The following NDRG1 variants were observed in gnomAD, a reference collection of about 807,000 sequenced individuals.
NDRG1 encodes the protein N-myc downstream regulated 1, also known as protein NDRG1.
NDRG1 carries 32 observed loss-of-function variants against 56.9 expected under a neutral mutation model. The observed-to-expected ratio is 0.56, with a 90% CI of 0.42 to 0.76. NDRG1 has a LOEUF of 0.76. Among genes scored for constraint, NDRG1 ranks in the 30% least tolerant of loss-of-function variants. NDRG1 has a pLI of 0.00. For synonymous variants in NDRG1, 211 were observed against 204.1 expected (o/e 1.03, Z -0.29); for missense variants, 507 against 545.7 (o/e 0.93, Z 0.71).
intron 15 of NDRG1, chr8:133,241,618 T>G (rs76188475): frequency 0.013 from 3,930 of 310,838 alleles, 156 homozygotes; most frequent in African/African-American, 0.079. Flanking sequence ...TTCAGTGAGA[T>G]AAAATAATGT....
chr8:133,243,740 CATTTT>C (rs1855509427), intron 14 of NDRG1, among the ~76,000 whole-genome samples: 1 of 152,184 alleles, frequency 6.6e-6, no homozygotes, highest in Admixed American at 6.5e-5. Context: ...AACTCTATTT[CATTTT>C]AAGATGGAAC....
chr8:133,276,814 A>G (rs1366751536), intron 3 of NDRG1, among the ~76,000 whole-genome samples: 1 of 152,214 alleles, frequency 6.6e-6, no homozygotes, highest in African/African-American at 2.4e-5. Flanking sequence ...ATGGACTGAT[A>G]CCTCTAGCAA....
At chr8:133,266,236 C>T (rs1210051232) in intron 3 of NDRG1, among the ~76,000 whole-genome samples, 2 of 152,254 alleles carry the variant, frequency 1.3e-5, no homozygotes, top group East Asian at 3.9e-4. Context: ...CCGCAAGCGG[C>T]GCACACTCAG....
chr8:133,248,485 C>A lies in NDRG1; in HGVS notation c.755+230G>T, dbSNP rs568610291. On this transcript the variant is annotated intron_variant, in intron 11 of 15. Transcript: ENST00000323851. ...TGCTGTCCCAAGTACAATCAACCAT[C>A]CTTCTCCAAGATCAAAGGCCTAGGT... 6.6e-5 allele frequency among the ~76,000 whole-genome samples: 10 copies of A among 152,346 alleles called. No homozygotes were observed. The East Asian group carries it at 1.2e-3, about 18-fold the overall frequency.
intron 11 of NDRG1, among the ~76,000 whole-genome samples, chr8:133,248,235 G>A (rs1247719055): frequency 6.6e-6 from 1 of 152,172 alleles, no homozygotes; most frequent in Non-Finnish European, 1.5e-5. Context: ...ACAGCATGAA[G>A]GACAAAGGCA....
At position 133,238,611 on chromosome 8, in the gene NDRG1, G is replaced by A. The variant is rs1564276644; in HGVS notation, c.*267C>T. On this transcript the variant is annotated 3_prime_UTR_variant, in exon 16 of 16. Transcript: ENST00000323851. ...AGTTTGGTGTCTCTGAGGGAGGGGA[G>A]GAGAGTGGCAACCGGCCACTGGTTA... 1 of 553,392 alleles carries A rather than the reference G, an allele frequency of 1.8e-6. No homozygotes were observed. Among genetic ancestry groups the A allele is most frequent in the South Asian group, 2.5e-5 (1 of 40,544 alleles). The allele number at this position is 553,392 out of a possible 1,614,324, so 34.3% of individuals were successfully genotyped here.
chr8:133,255,408 T>C (rs1452232108), intron 8 of NDRG1: 1 of 456,072 alleles, frequency 2.2e-6, no homozygotes, highest in East Asian at 6.9e-5. Context: ...AGGCTGGAGT[T>C]GAAAAAGAAG....
chr8:133,269,949 A>C (rs962270798), intron 3 of NDRG1, among the ~76,000 whole-genome samples: 1 of 152,262 alleles, frequency 6.6e-6, no homozygotes, highest in Non-Finnish European at 1.5e-5. Flanking sequence ...GAAGTGTGCC[A>C]ACACTGGAAA....
chr8:133,258,637 C>T (rs113662687), intron 6 of NDRG1, among the ~76,000 whole-genome samples: 144 of 152,366 alleles, frequency 9.5e-4, no homozygotes, highest in African/African-American at 3.3e-3. Context: ...TCACTTCCCT[C>T]CTGGCCGCCA....
intron 9 of NDRG1, among the ~76,000 whole-genome samples, chr8:133,253,199 G>A (rs568011573): frequency 7.2e-5 from 11 of 152,226 alleles, no homozygotes; most frequent in Admixed American, 7.2e-4. Flanking sequence ...AGGCAGGCTG[G>A]GCTGATAAGA....
intron 5 of NDRG1, among the ~76,000 whole-genome samples, chr8:133,259,990 G>C (rs778443643): frequency 6.6e-6 from 1 of 152,226 alleles, no homozygotes; most frequent in Non-Finnish European, 1.5e-5. Context: ...GCCAGAAAGA[G>C]CCCGTATGGT....
chr8:133,248,374 T>C (rs1855813127), intron 11 of NDRG1, among the ~76,000 whole-genome samples: 1 of 152,194 alleles, frequency 6.6e-6, no homozygotes, highest in Non-Finnish European at 1.5e-5. Flanking sequence ...TATGGAGCAC[T>C]TTAAGGCTGG....
intron 6 of NDRG1, 70 bp downstream of exon 6, chr8:133,259,098 C>T (rs1244603724): frequency 3.2e-6 from 5 of 1,539,260 alleles, no homozygotes; most frequent in Non-Finnish European, 4.5e-6. Context: ...AGATCAAAGC[C>T]AAGGGGCAGG....
At chr8:133,272,633 T>C (rs2130767282) in intron 3 of NDRG1, among the ~76,000 whole-genome samples, 1 of 152,312 alleles carries the variant, frequency 6.6e-6, no homozygotes, top group African/African-American at 2.4e-5. Flanking sequence ...TCCTGTTCCA[T>C]TGGAGGGTGC....
chr8:133,274,306 T>C (rs2130771796), intron 3 of NDRG1, among the ~76,000 whole-genome samples: 1 of 152,296 alleles, frequency 6.6e-6, no homozygotes, highest in South Asian at 2.1e-4. Flanking sequence ...AGTGTGTGTG[T>C]TTTGATTCAT....
chr8:133,243,069 CTGTTCTATCCAG>C (rs1301394249), intron 14 of NDRG1, among the ~76,000 whole-genome samples: 1 of 152,222 alleles, frequency 6.6e-6, no homozygotes, highest in Non-Finnish European at 1.5e-5. Context: ...TTAATCCCAA[CTGTTCTATCCAG>C]TGCCCTGGGT....
chr8:133,241,725 T>C (rs1588219997), intron 15 of NDRG1: 2 of 515,404 alleles, frequency 3.9e-6, no homozygotes, highest in East Asian at 3.4e-5. Context: ...AATGTTATTG[T>C]TTCACTGTTG....
intron 15 of NDRG1, chr8:133,239,325 G>GC: frequency 2.6e-6 from 2 of 779,362 alleles, no homozygotes; most frequent in Non-Finnish European, 4.1e-6. Context: ...AGGAACTGCC[G>GC]CAATCACACC....
rs114300519 is a variant in NDRG1 at position 133,285,063 on chromosome 8, G to C, written c.-18-734C>G. On this transcript the variant is annotated intron_variant, in intron 1 of 15. Transcript: ENST00000323851. ...TTACCTGTGCTCTAACACAGGGCAGGTGCAGAAGTGTGGGCTGCAAAACCA... is the reference window on the plus strand; with the variant it reads ...TTACCTGTGCTCTAACACAGGGCAGCTGCAGAAGTGTGGGCTGCAAAACCA... Among the ~76,000 whole-genome samples the C allele has an allele frequency of 3.5e-3, 530 of 152,306 alleles. 6 individuals are homozygous for C. The highest frequency in any genetic ancestry group is 0.012 in the African/African-American group (501 of 41,564).
Sources: gnomAD v4.1 joint callset for allele counts (sites outside exome capture counted in the v4.1 genomes callset) on GRCh38, gnomAD v4.1.1 for gene constraint, MANE v1.5 for transcripts, NCBI Gene and HGNC (gene_info 2026-07-23, HGNC 2026-07-21) for gene names.